Variants in CDK14 observed in about 807,000 individuals in gnomAD.
CDK14 encodes the protein cyclin dependent kinase 14.
A neutral mutation model predicts 60.7 loss-of-function variants in CDK14; 34 were observed. The observed-to-expected ratio is 0.56, with a 90% confidence interval of 0.43 to 0.75. The LOEUF (loss-of-function observed/expected upper bound fraction) is 0.75. Ranked by LOEUF, CDK14 falls within the 30% of genes least tolerant of loss-of-function variation. The pLI, the probability that CDK14 is intolerant of heterozygous loss-of-function variation, is 0.00. For missense variants in CDK14, 482 were observed against 564.1 expected, an observed-to-expected ratio of 0.85 and a Z score of 1.47; for synonymous variants, 197 against 203.7, an observed-to-expected ratio of 0.97 and a Z score of 0.28.
intron 14 of CDK14, among the ~76,000 whole-genome samples, chr7:91,183,603 C>G (rs1802073364): frequency 6.6e-6 from 1 of 152,232 alleles, no homozygotes; most frequent in African/African-American, 2.4e-5. Context: ...CTTGCTATGA[C>G]TACAGGCTCT....
At chr7:90,696,239 G>T (rs1801653255) in intron 2 of CDK14, among the ~76,000 whole-genome samples, 1 of 152,098 alleles carries the variant, frequency 6.6e-6, no homozygotes, top group Non-Finnish European at 1.5e-5. Flanking sequence ...TGATGTAAAG[G>T]TAGGCTCATA....
At chr7:90,836,041 C>A (rs1333521318) in intron 5 of CDK14, among the ~76,000 whole-genome samples, 1 of 152,114 alleles carries the variant, frequency 6.6e-6, no homozygotes, top group Non-Finnish European at 1.5e-5. Flanking sequence ...ATGAATGGAG[C>A]TTGCAGGACT....
chr7:90,920,441 A>G (rs1793212419), intron 8 of CDK14, among the ~76,000 whole-genome samples: 1 of 152,240 alleles, frequency 6.6e-6, no homozygotes, highest in South Asian at 2.1e-4. Context: ...CTACACACTT[A>G]GAAATTCTTG....
At chr7:90,804,403 TA>T (rs1362820252) in intron 5 of CDK14, among the ~76,000 whole-genome samples, 16 of 152,226 alleles carry the variant, frequency 1.1e-4, no homozygotes. Context: ...TGGGTTAAAA[TA>T]TTTTTTAAAC....
rs3839832 is a variant in CDK14, at chr7:90,906,543, TTCA to T, written c.702+7195_702+7197del. On this transcript the variant is annotated intron_variant, in intron 7 of 14. Transcript: ENST00000380050. ...AAATTTAGCAATTTTGACTTTTAGT[TTCA>T]TCATTCTGCAGCATGACAGTATATA... 0.017 allele frequency among the ~76,000 whole-genome samples: 2,638 copies of T among 152,198 alleles called. 148 individuals are homozygous for T. The East Asian group carries it at 0.18, about 10-fold the overall frequency.
rs372118828 is a variant in CDK14 at position 90,747,640 on chromosome 7, T to G, written c.370-41T>G. 19 of 1,153,472 alleles carry G rather than the reference T, an allele frequency of 1.6e-5. No individual in the cohort carries two copies. The East Asian group carries it at 2.6e-4, about 16-fold the overall frequency. The allele number at this position is 1,153,472 out of a possible 1,614,324, so 71.5% of individuals were successfully genotyped here. A position where few individuals can be genotyped will look rare whatever the true frequency, so the allele number is the denominator to read the frequency against. On this transcript the variant is annotated intron_variant, in intron 3 of 14. Transcript: ENST00000380050. ...ATCAGGGTATTTGTTGTTAATTAATTTGATACAATCTGTTTTGTTTACCCT... is the reference window on the plus strand; with the variant it reads ...ATCAGGGTATTTGTTGTTAATTAATGTGATACAATCTGTTTTGTTTACCCT...
intron 12 of CDK14, among the ~76,000 whole-genome samples, chr7:91,102,670 A>C (rs1799177708): frequency 6.6e-6 from 1 of 152,044 alleles, no homozygotes; most frequent in African/African-American, 2.4e-5. Context: ...CTAGTTTATA[A>C]GTTAACCTTA....
At chr7:91,051,983 TGTG>T (rs1433864858) in intron 11 of CDK14, among the ~76,000 whole-genome samples, 1 of 152,216 alleles carries the variant, frequency 6.6e-6, no homozygotes, top group Non-Finnish European at 1.5e-5. Context: ...TTCATAGAAT[TGTG>T]GTAACCCCAG....
intron 5 of CDK14, among the ~76,000 whole-genome samples, chr7:90,796,596 A>T (rs1197578342): frequency 6.6e-6 from 1 of 152,188 alleles, no homozygotes; most frequent in Non-Finnish European, 1.5e-5. Flanking sequence ...TAGAATTTAT[A>T]TTGTTTATAG....
At chr7:90,719,097 A>G (rs554198572) in intron 2 of CDK14, among the ~76,000 whole-genome samples, 3 of 152,204 alleles carry the variant, frequency 2.0e-5, no homozygotes, top group South Asian at 2.1e-4. Context: ...CTCCTGGGGT[A>G]TTGGACAAAG....
intron 9 of CDK14, among the ~76,000 whole-genome samples, chr7:90,966,093 A>G: frequency 6.6e-6 from 1 of 152,188 alleles, no homozygotes; most frequent in East Asian, 1.9e-4. Context: ...TTTTAAAAAA[A>G]TGATTTCTTC....
At chr7:90,745,188 C>T (rs942253700) in intron 3 of CDK14, among the ~76,000 whole-genome samples, 1 of 152,182 alleles carries the variant, frequency 6.6e-6, no homozygotes. Flanking sequence ...TTTCTCCTTT[C>T]CTACTGTTCC....
At chr7:90,833,334 G>A (rs1465861344) in intron 5 of CDK14, among the ~76,000 whole-genome samples, 1 of 152,080 alleles carries the variant, frequency 6.6e-6, no homozygotes, top group African/African-American at 2.4e-5. Context: ...AATCCCTTGG[G>A]AAGCATTTAT....
At chr7:90,942,424 G>T (rs1410408788) in intron 8 of CDK14, among the ~76,000 whole-genome samples, 1 of 152,144 alleles carries the variant, frequency 6.6e-6, no homozygotes, top group Non-Finnish European at 1.5e-5. Context: ...AATGGGTTGA[G>T]AAATTTCACA....
intron 2 of CDK14, among the ~76,000 whole-genome samples, chr7:90,685,880 A>G (rs147603653): frequency 6.6e-6 from 1 of 152,092 alleles, no homozygotes; most frequent in Non-Finnish European, 1.5e-5. Flanking sequence ...AGTTTTTCTC[A>G]TATAGATACT....
intron 14 of CDK14, among the ~76,000 whole-genome samples, chr7:91,135,502 C>T (rs776555801): frequency 3.1e-4 from 47 of 152,040 alleles, no homozygotes; most frequent in Non-Finnish European, 2.4e-4. Context: ...AAAAGATAGC[C>T]GGGTAAGAGT....
At chr7:90,664,144 T>C (rs1284445363) in intron 2 of CDK14, among the ~76,000 whole-genome samples, 3 of 152,214 alleles carry the variant, frequency 2.0e-5, no homozygotes, top group African/African-American at 7.2e-5. Context: ...GAACAGACAC[T>C]TCTCAAAAGA....
rs141729467 is a variant in CDK14 at position 91,172,310 on chromosome 7, C to T, written c.*29-34855C>T. Among the ~76,000 whole-genome samples the T allele has an allele frequency of 2.6e-5, 4 of 152,308 alleles. No homozygotes were observed. The East Asian group carries it at 5.8e-4, about 22-fold the overall frequency. ...TGACTTGCCGCATCTTTTAACCAGA[C>T]ATTAAGTGAGCCACCAGGACCTGTT... On this transcript the variant is annotated intron_variant, in intron 14 of 14. Transcript: ENST00000380050.
chr7:91,012,286 A>G (rs76987672), intron 10 of CDK14, among the ~76,000 whole-genome samples: 10,889 of 152,158 alleles, frequency 0.072, 472 homozygotes, highest in South Asian at 0.094. Flanking sequence ...TCCCTGTGTG[A>G]GCTCTGTGCA....
Sources: allele counts gnomAD v4.1 joint callset (sites outside exome capture counted in the v4.1 genomes callset), GRCh38; gene constraint gnomAD v4.1.1; transcripts MANE v1.5; gene names NCBI Gene and HGNC (gene_info 2026-07-23, HGNC 2026-07-21).